Variants in PDZK1 observed in about 807,000 individuals in gnomAD.
PDZK1 encodes PDZ domain containing 1.
A neutral mutation model predicts 38.1 loss-of-function variants in PDZK1; 23 were observed. The observed-to-expected ratio is 0.60, with a 90% CI of 0.43 to 0.85. PDZK1 has a LOEUF of 0.85. Ranked by LOEUF, PDZK1 falls within the 40% of genes least tolerant of loss-of-function variation. PDZK1 has a pLI of 0.00. For synonymous variants in PDZK1, 98 were observed against 186.2 expected, an observed-to-expected ratio of 0.53 and a Z score of 3.86; for missense variants, 297 against 504.3, an observed-to-expected ratio of 0.59 and a Z score of 3.94.
At chr1:145,702,630 A>T (rs58319151) in intron 1 of PDZK1, among the ~76,000 whole-genome samples, 8,877 of 152,216 alleles carry the variant, frequency 0.058, 858 homozygotes, top group African/African-American at 0.2. Flanking sequence ...GCAGTGGCTC[A>T]CGCCTGTAAT....
Position 145,686,523 on chromosome 1 carries a change from G to C in PDZK1, c.414C>G (p.Leu138=), listed in dbSNP as rs147285425. Residue 138 remains leucine (L), a synonymous_variant, in exon 3 of 9, where the codon CTC becomes CTG. Coordinates refer to ENST00000417171, the MANE Select transcript of PDZK1 (RefSeq NM_001201325.2). ...AGCCATAGCTGCCTCCTTCCTTCACGAGATAGCAGAGCCGGGGCTGGGTCC... is the reference window on the plus strand; with the variant it reads ...AGCCATAGCTGCCTCCTTCCTTCACCAGATAGCAGAGCCGGGGCTGGGTCC... ...QTWTQPRLCY[L]VKEGGSYGFS... 6.8e-6 allele frequency: 11 copies of C among 1,611,792 alleles called. No individual in the cohort carries two copies. Among genetic ancestry groups the C allele is most frequent in the Non-Finnish European group, 9.3e-6 (11 of 1,179,854 alleles).
At chr1:145,704,987 A>T (rs587652373) in intron 1 of PDZK1, among the ~76,000 whole-genome samples, 25 of 152,300 alleles carry the variant, frequency 1.6e-4, no homozygotes, top group African/African-American at 6.0e-4. Flanking sequence ...AATATGTTCT[A>T]TGCCAGGTAG....
chr1:145,703,788 G>A (rs782353026), intron 1 of PDZK1, among the ~76,000 whole-genome samples: 4 of 151,938 alleles, frequency 2.6e-5, no homozygotes, highest in Non-Finnish European at 5.9e-5. Flanking sequence ...CTATAGAGGA[G>A]CTTCAGGATC....
At chr1:145,683,552 G>A (rs1229460075) in intron 3 of PDZK1, among the ~76,000 whole-genome samples, 1 of 152,168 alleles carries the variant, frequency 6.6e-6, no homozygotes, top group Admixed American at 6.5e-5. Context: ...TGAGATTTAG[G>A]TGCTACTTAT....
At chr1:145,671,551 C>T in intron 8 of PDZK1, 62 bp from the exon 9 acceptor site, 1 of 1,051,496 alleles carries the variant, frequency 9.5e-7, no homozygotes, top group South Asian at 1.5e-5. Context: ...ATGATCTATT[C>T]TAGAGTTGCA....
chr1:145,701,612 A>G (rs1655962916), intron 1 of PDZK1, among the ~76,000 whole-genome samples: 1 of 152,204 alleles, frequency 6.6e-6, no homozygotes, highest in South Asian at 2.1e-4. Flanking sequence ...GCCAGCAACT[A>G]TAGACAGGCT....
intron 6 of PDZK1, among the ~76,000 whole-genome samples, chr1:145,674,517 G>A (rs1401640635): frequency 1.3e-5 from 2 of 152,218 alleles, no homozygotes; most frequent in Non-Finnish European, 2.9e-5. Flanking sequence ...GTGTCAGTCT[G>A]TCTGCTAGAG....
intron 6 of PDZK1, among the ~76,000 whole-genome samples, chr1:145,675,135 C>G (rs1448909800): frequency 6.6e-6 from 1 of 150,826 alleles, no homozygotes; most frequent in Non-Finnish European, 1.5e-5. Context: ...TTCATATCAA[C>G]TCCCAGACCA....
Position 145,673,720 on chromosome 1 carries a change from A to T in PDZK1, c.1152T>A (p.Gly384=). ...TTAAGTGAAAGCCATAGCCATTTTC[A>T]CCTTTAGCCAGCCTGCAGAGTTTAG... ...HKPKLCRLAK[G]ENGYGFHLNA... The change falls in exon 7 of 9, where the codon GGT becomes GGA. Residue 384 remains glycine, a synonymous_variant. Coordinates refer to ENST00000417171, the MANE Select transcript of PDZK1 (RefSeq NM_001201325.2). 1 of 1,610,958 alleles carries T rather than the reference A, an allele frequency of 6.2e-7. No individual in the cohort carries two copies. The highest frequency in any genetic ancestry group is 1.1e-5 in the South Asian group (1 of 90,926).
At position 145,705,421 on chromosome 1, in the gene PDZK1, G is replaced by A. The variant is rs587721967; in HGVS notation, c.-3+1896C>T. 3.9e-5 allele frequency among the ~76,000 whole-genome samples: 6 copies of A among 152,204 alleles called. No individual in the cohort carries two copies. The East Asian group carries it at 1.2e-3, about 29-fold the overall frequency. ...GAGATGATTTCTGATGGTACACGCT[G>A]TGAATGATAGAGATACTGGTGGCAT... On this transcript the variant is annotated intron_variant, in intron 1 of 8. Coordinates refer to ENST00000417171, the MANE Select transcript of PDZK1 (RefSeq NM_001201325.2).
chr1:145,701,310 G>C (rs983380394), intron 1 of PDZK1, among the ~76,000 whole-genome samples: 1 of 150,872 alleles, frequency 6.6e-6, no homozygotes, highest in African/African-American at 2.4e-5. Flanking sequence ...TGAAACCATA[G>C]AGTAAGTTAC....
chr1:145,690,807 C>A (rs1324579612), intron 1 of PDZK1, among the ~76,000 whole-genome samples: 4 of 152,196 alleles, frequency 2.6e-5, no homozygotes, highest in Admixed American at 2.6e-4. Context: ...TCCTATGTCT[C>A]ACTGGAGACC....
In PDZK1 at chr1:145,693,192, G is replaced by C. The variant is rs587696842; in HGVS notation, c.-2-5169C>G. Reference sequence around the variant, plus strand: ...CCTAGTTGTCCACCCATGCCCAAAGGCTCCAGCTGTCTCATCTGAGTGAGC... The same window carrying C: ...CCTAGTTGTCCACCCATGCCCAAAGCCTCCAGCTGTCTCATCTGAGTGAGC... On this transcript the variant is annotated intron_variant, in intron 1 of 8. Coordinates refer to ENST00000417171, the MANE Select transcript of PDZK1 (RefSeq NM_001201325.2). Among the ~76,000 whole-genome samples the C allele has an allele frequency of 1.5e-4, 23 of 152,202 alleles. 1 individual carries two copies. Among genetic ancestry groups the C allele is most frequent in the African/African-American group, 5.5e-4 (23 of 41,516 alleles).
At chr1:145,684,355 C>T (rs1187529124) in intron 3 of PDZK1, among the ~76,000 whole-genome samples, 3,256 of 151,900 alleles carry the variant, frequency 0.021, 51 homozygotes, top group African/African-American at 0.073. Flanking sequence ...ACTACAGGCG[C>T]CCACCACCAC....
chr1:145,683,140 C>G (rs1325950991), intron 3 of PDZK1, among the ~76,000 whole-genome samples: 1 of 152,230 alleles, frequency 6.6e-6, no homozygotes, highest in African/African-American at 2.4e-5. Flanking sequence ...AAAGACTTTT[C>G]TCCCAATAAT....
intron 1 of PDZK1, among the ~76,000 whole-genome samples, chr1:145,694,664 C>T (rs1279249269): frequency 1.3e-5 from 2 of 150,742 alleles, no homozygotes; most frequent in South Asian, 2.1e-4. Flanking sequence ...TTTGGGAGGC[C>T]GAGGAGGGCG....
chr1:145,682,709 G>T, intron 3 of PDZK1, 73 bp from the exon 4 acceptor site: 1 of 1,367,374 alleles, frequency 7.3e-7, no homozygotes, highest in Non-Finnish European at 1.0e-6. Context: ...CTGTGATGTT[G>T]ACTTCTGATT....
chr1:145,687,669 A>G, intron 2 of PDZK1, 143 bp downstream of exon 2: 1 of 687,164 alleles, frequency 1.5e-6, no homozygotes. Flanking sequence ...TGGCCAACAC[A>G]AGGTACAGCA....
At chr1:145,688,290 T>G (rs1654969909) in intron 1 of PDZK1, among the ~76,000 whole-genome samples, 1 of 152,176 alleles carries the variant, frequency 6.6e-6, no homozygotes, top group East Asian at 1.9e-4. Flanking sequence ...TTTCAGTATC[T>G]CCAACCAAAC....
Sources: allele counts gnomAD v4.1 joint callset (sites outside exome capture counted in the v4.1 genomes callset), GRCh38; gene constraint gnomAD v4.1.1; transcripts MANE v1.5; gene names NCBI Gene and HGNC (gene_info 2026-07-23, HGNC 2026-07-21).